The following PAK5 variants were observed in gnomAD, a reference collection of about 807,000 sequenced individuals.
PAK5 encodes p21 (RAC1) activated kinase 5, also known as serine/threonine-protein kinase PAK 5.
PAK5 carries 16 observed loss-of-function variants against 65.9 expected under a neutral mutation model. The ratio of observed to expected loss-of-function variants is 0.24; its 90% confidence interval spans 0.16 to 0.37. PAK5 has a LOEUF of 0.37. Among genes scored for constraint, PAK5 ranks in the 10% least tolerant of loss-of-function variants. The probability of loss-of-function intolerance (pLI) is 1.00; values close to 1 mark genes in which losing one functional copy is unlikely to be tolerated. For missense variants in PAK5, 785 were observed against 903.9 expected, an observed-to-expected ratio of 0.87 and a Z score of 1.69; for synonymous variants, 371 against 354.9, an observed-to-expected ratio of 1.05 and a Z score of -0.51.
At chr20:9,784,309 A>G (rs1210012198) in intron 1 of PAK5, 1 of 152,198 alleles carries the variant, frequency 6.6e-6, no homozygotes, top group Non-Finnish European at 1.5e-5. Context: ...TGTCAAATGA[A>G]TTCCATTTTG....
chr20:9,764,305 G>C (rs1442485964), intron 1 of PAK5, among the ~76,000 whole-genome samples: 1 of 152,062 alleles, frequency 6.6e-6, no homozygotes, highest in Non-Finnish European at 1.5e-5. Context: ...AACAGTTTTG[G>C]TAGGCATACT....
intron 3 of PAK5, among the ~76,000 whole-genome samples, chr20:9,642,283 G>A (rs1445483547): frequency 6.6e-6 from 1 of 152,206 alleles, no homozygotes; most frequent in East Asian, 1.9e-4. Flanking sequence ...CAATGTGAAA[G>A]TGTTCCTATT....
intron 7 of PAK5, among the ~76,000 whole-genome samples, chr20:9,546,591 C>T (rs1429223544): frequency 6.6e-5 from 10 of 151,940 alleles, no homozygotes; most frequent in Non-Finnish European, 1.5e-4. Flanking sequence ...CTAGGGTGAT[C>T]GAAATTGAGG....
intron 1 of PAK5, among the ~76,000 whole-genome samples, chr20:9,837,041 A>G (rs1979203961): frequency 6.6e-6 from 1 of 152,230 alleles, no homozygotes; most frequent in Non-Finnish European, 1.5e-5. Context: ...TTAGATATCA[A>G]TTGATTCAAT....
rs1457718779 is a variant in PAK5 at position 9,580,436 on chromosome 20, T to C, written c.699A>G (p.Gln233=). 6 of 1,614,076 alleles carry C rather than the reference T, an allele frequency of 3.7e-6. No individual in the cohort carries two copies. Among genetic ancestry groups the C allele is most frequent in the South Asian group, 2.2e-5 (2 of 91,072 alleles). The stretch of plus-strand genomic sequence containing the variant: ...TCCCTGCAGTTCTAGAAGGTGTGAA[T>C]TGGAATGAATAATCCAGAGGGGAGC... The part of the protein sequence containing the change: ...SSSSPLDYSF[Q]FTPSRTAGTS... Residue 233 remains glutamine, a synonymous_variant, in exon 4 of 10, where the codon CAA becomes CAG. Coordinates refer to ENST00000353224, the MANE Select transcript of PAK5 (RefSeq NM_177990.4).
At chr20:9,768,412 T>C (rs2088716771) in intron 1 of PAK5, among the ~76,000 whole-genome samples, 1 of 152,060 alleles carries the variant, frequency 6.6e-6, no homozygotes, top group South Asian at 2.1e-4. Context: ...CCATACCTGC[T>C]GCAATATACT....
intron 1 of PAK5, among the ~76,000 whole-genome samples, chr20:9,758,226 T>C (rs1482306820): frequency 6.6e-6 from 1 of 152,164 alleles, no homozygotes; most frequent in East Asian, 1.9e-4. Flanking sequence ...TATCTGAAAA[T>C]GTGAGGTACG....
At chr20:9,741,655 C>T (rs73073763) in intron 1 of PAK5, among the ~76,000 whole-genome samples, 2,760 of 152,198 alleles carry the variant, frequency 0.018, 41 homozygotes, top group Middle Eastern at 0.058. Flanking sequence ...GAAAATGTGA[C>T]AACATCTGTA....
chr20:9,759,117 G>A (rs938727096), intron 1 of PAK5, among the ~76,000 whole-genome samples: 2 of 152,018 alleles, frequency 1.3e-5, no homozygotes, highest in Admixed American at 1.3e-4. Flanking sequence ...ATCAAATAAG[G>A]AAGATTTCAC....
chr20:9,815,797 C>T (rs1326305605), intron 1 of PAK5, among the ~76,000 whole-genome samples: 1 of 152,088 alleles, frequency 6.6e-6, no homozygotes, highest in Non-Finnish European at 1.5e-5. Context: ...AAAATAAAAT[C>T]CAATATGCTT....
intron 4 of PAK5, chr20:9,575,548 C>T (rs1286577793): frequency 6.6e-6 from 1 of 152,154 alleles, no homozygotes; most frequent in East Asian, 1.9e-4. Context: ...CATATGAGCA[C>T]CTTAGGGATT....
At chr20:9,786,011 T>C (rs1434630298) in intron 1 of PAK5, among the ~76,000 whole-genome samples, 1 of 152,156 alleles carries the variant, frequency 6.6e-6, no homozygotes, top group Non-Finnish European at 1.5e-5. Flanking sequence ...CATCTGTCCA[T>C]CTTCCATTCT....
chr20:9,592,230 C>T (rs577067395), intron 3 of PAK5, among the ~76,000 whole-genome samples: 1 of 152,256 alleles, frequency 6.6e-6, no homozygotes, highest in Admixed American at 6.5e-5. Flanking sequence ...TGAAAAATTA[C>T]CTGTTGGGTA....
chr20:9,625,198 C>T (rs1241162639), intron 3 of PAK5, among the ~76,000 whole-genome samples: 2 of 152,206 alleles, frequency 1.3e-5, no homozygotes, highest in Admixed American at 6.5e-5. Flanking sequence ...CAATGACCTC[C>T]ACCACCTTCA....
In PAK5 at chr20:9,712,315, T is replaced by A. The variant is rs559749393; in HGVS notation, c.-161-880A>T. 5.3e-5 allele frequency among the ~76,000 whole-genome samples: 8 copies of A among 152,278 alleles called. No homozygotes were observed. In the East Asian group the frequency reaches 1.2e-3, roughly 22 times the overall value. ...CCAACCTTGTTTATAGTTCAGCATATCCTTGCCATTTAAATGATTAAATAA... is the reference window on the plus strand; with the variant it reads ...CCAACCTTGTTTATAGTTCAGCATAACCTTGCCATTTAAATGATTAAATAA... On this transcript the variant is annotated intron_variant, in intron 1 of 9. Coordinates refer to ENST00000353224, the MANE Select transcript of PAK5 (RefSeq NM_177990.4).
chr20:9,701,823 A>G lies in PAK5; in HGVS notation c.-12+9463T>C, dbSNP rs2047942768. On this transcript the variant is annotated intron_variant, in intron 2 of 9. Transcript: ENST00000353224. ...AGAGCAGCCAGGGCAACATAGCAAG[A>G]CCTCGTCTGTACTAAAAATATAAAA... 2.0e-5 allele frequency among the ~76,000 whole-genome samples: 3 copies of G among 151,762 alleles called. No homozygotes were observed. The South Asian group carries it at 6.3e-4, about 32-fold the overall frequency.
At chr20:9,705,527 A>T in intron 2 of PAK5, among the ~76,000 whole-genome samples, 1 of 152,130 alleles carries the variant, frequency 6.6e-6, no homozygotes, top group East Asian at 1.9e-4. Context: ...ATGTTGTAAA[A>T]TCGATCATAT....
chr20:9,727,883 A>G (rs1292347166), intron 1 of PAK5, among the ~76,000 whole-genome samples: 1 of 152,066 alleles, frequency 6.6e-6, no homozygotes, highest in Non-Finnish European at 1.5e-5. Context: ...CAACACAAAA[A>G]TTCTGAGCAG....
chr20:9,788,412 A>G (rs981817737), intron 1 of PAK5, among the ~76,000 whole-genome samples: 1 of 152,058 alleles, frequency 6.6e-6, no homozygotes, highest in African/African-American at 2.4e-5. Flanking sequence ...TCAGGATGAA[A>G]TCCATCCCCG....
Sources: gnomAD v4.1 joint callset for allele counts (sites outside exome capture counted in the v4.1 genomes callset) on GRCh38, gnomAD v4.1.1 for gene constraint, MANE v1.5 for transcripts, NCBI Gene and HGNC (gene_info 2026-07-23, HGNC 2026-07-21) for gene names.